The following PRTN3 variants were observed in gnomAD, a reference collection of about 807,000 sequenced individuals.
PRTN3 encodes myeloblastin.
PRTN3 carries 22 observed loss-of-function variants against 20.7 expected under a neutral mutation model. That is an observed-to-expected ratio of 1.06 (90% CI 0.76 to 1.52). The LOEUF is 1.52. PRTN3 is among the 40% of genes most tolerant of loss of function. PRTN3 has a pLI of 0.00. For missense variants in PRTN3, 378 were observed against 359.6 expected (o/e 1.05, Z -0.41); for synonymous variants, 173 against 152.9 (o/e 1.13, Z -0.97).
chr19:843,512 C>G lies in PRTN3; in HGVS notation c.113C>G (p.Ser38Cys). ...GGCGGGCACGAGGCGCAGCCACACT[C>G]CCGGCCCTACATGGCCTCCCTGCAG... ...IVGGHEAQPHSRPYMASLQMR... is the reference protein window; with the variant it reads ...IVGGHEAQPHCRPYMASLQMR... Residue 38 changes from serine (S) to cysteine (C), a missense_variant, in exon 2 of 5, where the codon TCC (serine) becomes TGC (cysteine). Coordinates refer to ENST00000234347, the MANE Select transcript of PRTN3 (RefSeq NM_002777.4). The G allele has an allele frequency of 6.3e-7, 1 of 1,588,776 alleles. No homozygotes were observed. Among genetic ancestry groups the G allele is most frequent in the Non-Finnish European group, 8.5e-7 (1 of 1,170,728 alleles).
At chr19:842,024 G>T (rs1178732852) in intron 1 of PRTN3, among the ~76,000 whole-genome samples, 1 of 149,628 alleles carries the variant, frequency 6.7e-6, no homozygotes, top group Non-Finnish European at 1.5e-5. Flanking sequence ...ACCGCGCCTG[G>T]CCCTTTTTTT....
At chr19:846,026 G>C in intron 3 of PRTN3, 121 bp from the exon 4 acceptor site, 1 of 617,152 alleles carries the variant, frequency 1.6e-6, no homozygotes, top group Non-Finnish European at 2.7e-6. Flanking sequence ...GGGCCCAGGC[G>C]GAGGGAGCGG....
chr19:848,169 A>G lies in PRTN3; in HGVS notation c.*200A>G, dbSNP rs576741877. 3.5e-5 allele frequency: 22 copies of G among 632,864 alleles called. No individual in the cohort carries two copies. Among genetic ancestry groups the G allele is most frequent in the East Asian group, 1.4e-4 (5 of 35,612 alleles). The allele number at this position is 632,864 out of a possible 1,614,324, so 39.2% of individuals were successfully genotyped here. ...CCCACCGTGACCTCAATAAACGTTG[A>G]AACTCCCCCTGGCTCCTGTCTGTCC... On this transcript the variant is annotated 3_prime_UTR_variant, in exon 5 of 5. Coordinates refer to ENST00000234347, the MANE Select transcript of PRTN3 (RefSeq NM_002777.4).
chr19:846,578 G>T (rs1243953616), intron 4 of PRTN3, among the ~76,000 whole-genome samples: 1 of 152,170 alleles, frequency 6.6e-6, no homozygotes, highest in African/African-American at 2.4e-5. Context: ...GCTTGGGTGG[G>T]TCTGGGGGTT....
chr19:845,385 G>A lies in PRTN3; in HGVS notation c.370-762G>A, dbSNP rs185460687. 5.9e-5 allele frequency among the ~76,000 whole-genome samples: 9 copies of A among 152,026 alleles called. 1 individual carries two copies. The highest frequency in any genetic ancestry group is 5.9e-4 in the Admixed American group (9 of 15,242). On this transcript the variant is annotated intron_variant, in intron 3 of 4. Transcript: ENST00000234347. Reference sequence around the variant, plus strand: ...GATCATGCCACCACACTCCAGCCTCGGCGACAGAGCAAGACCCCATCTCAA... The same window carrying A: ...GATCATGCCACCACACTCCAGCCTCAGCGACAGAGCAAGACCCCATCTCAA...
At chr19:841,144 C>A in intron 1 of PRTN3, 75 bp downstream of exon 1, 1 of 1,537,272 alleles carries the variant, frequency 6.5e-7, no homozygotes, top group South Asian at 1.2e-5. Flanking sequence ...CCACGAGGTC[C>A]ATCCAAAGCC....
At chr19:842,650 C>T (rs1380475347) in intron 1 of PRTN3, among the ~76,000 whole-genome samples, 1 of 127,592 alleles carries the variant, frequency 7.8e-6, no homozygotes, top group African/African-American at 3.2e-5. Flanking sequence ...TGCAGTGGGG[C>T]GATCTTGGCT....
rs202027527 is a variant in PRTN3, at chr19:841,068, C to T, written c.60C>T (p.Ser20=). 1.2e-4 allele frequency: 190 copies of T among 1,604,942 alleles called. No individual in the cohort carries two copies. Among genetic ancestry groups the T allele is most frequent in the Non-Finnish European group, 1.4e-4 (170 of 1,179,764 alleles). ...LASVLLALLL[S]GAARAAEIVG... The stretch of plus-strand genomic sequence containing the variant: ...CCGTGCTGCTGGCCTTGCTGCTGAG[C>T]GGTGAGTGAGCCACGTGCCCATCCA... Residue 20 remains serine, a splice_region_variant and synonymous_variant, in exon 1 of 5, where the codon AGC becomes AGT. Transcript: ENST00000234347.
Position 843,755 on chromosome 19 carries a change from G to A in PRTN3, c.227+129G>A, listed in dbSNP as rs2035476606. Reference sequence around the variant, plus strand: ...TCTGCAGACCCCAGGCCCCGCGCGCGTGGGCAGTTCTGGGGGGAGGCCCGG... The same window carrying A: ...TCTGCAGACCCCAGGCCCCGCGCGCATGGGCAGTTCTGGGGGGAGGCCCGG... On this transcript the variant is annotated intron_variant, in intron 2 of 4. Coordinates refer to ENST00000234347, the MANE Select transcript of PRTN3 (RefSeq NM_002777.4). The A allele has an allele frequency of 1.3e-5, 19 of 1,449,292 alleles. No homozygotes were observed. In the Admixed American group the frequency reaches 1.5e-4, roughly 12 times the overall value. 89.8% of individuals were successfully genotyped at this position (1,449,292 alleles called of 1,614,324 possible).
rs1207357063 is a variant in PRTN3, at chr19:846,138, C to G, written c.370-9C>G. ...GCAGCGTCTCACCGCCGCCTGCCTT[C>G]TGCCCCAGCTGAGCAGCCCAGCCAA... is the stretch of plus-strand genomic sequence containing the variant. On this transcript the variant is annotated splice_polypyrimidine_tract_variant and intron_variant, in intron 3 of 4. Transcript: ENST00000234347. 2 of 1,409,000 alleles carry G rather than the reference C, an allele frequency of 1.4e-6. No homozygotes were observed. The highest frequency in any genetic ancestry group is 1.8e-6 in the Non-Finnish European group (2 of 1,081,826). 87.3% of individuals were successfully genotyped at this position (1,409,000 alleles called of 1,614,324 possible).
intron 1 of PRTN3, 103 bp downstream of exon 1, chr19:841,172 G>A (rs543957816): frequency 1.4e-6 from 2 of 1,435,490 alleles, no homozygotes; most frequent in African/African-American, 1.4e-5. Flanking sequence ...CACAGCTGGG[G>A]AAACTGAGGC....
rs775826263 is a variant in PRTN3 at position 843,567 on chromosome 19, C to T, written c.168C>T (p.Cys56=). The T allele has an allele frequency of 1.4e-5, 22 of 1,603,010 alleles. No homozygotes were observed. Among genetic ancestry groups the T allele is most frequent in the Non-Finnish European group, 1.7e-5 (20 of 1,177,620 alleles). Residue 56 remains cysteine, a synonymous_variant, in exon 2 of 5, where the codon TGC becomes TGT. Transcript: ENST00000234347. ...GGGGGAACCCGGGCAGCCACTTCTG[C>T]GGAGGCACCTTGATCCACCCCAGCT... The part of the protein sequence containing the change: ...QMRGNPGSHF[C]GGTLIHPSFV...
At chr19:846,501 A>G (rs1028754681) in intron 4 of PRTN3, 124 bp downstream of exon 4, 6 of 1,028,998 alleles carry the variant, frequency 5.8e-6, no homozygotes, top group Non-Finnish European at 7.0e-6. Flanking sequence ...CCCACCTGGA[A>G]GGTGGGCACA....
In PRTN3 at chr19:848,062, T is replaced by G. The variant is rs1366105346; in HGVS notation, c.*93T>G. 1.4e-6 allele frequency: 2 copies of G among 1,443,130 alleles called. No homozygotes were observed. The highest frequency in any genetic ancestry group is 4.4e-5 in the Admixed American group (2 of 45,188). The allele number at this position is 1,443,130 out of a possible 1,614,324, so 89.4% of individuals were successfully genotyped here. ...ACAGAAGCAGCTCTTCCCCGAACAC[T>G]GTGGCGTCCGGGACGGCCCCACCCG... On this transcript the variant is annotated 3_prime_UTR_variant, in exon 5 of 5. Coordinates refer to ENST00000234347, the MANE Select transcript of PRTN3 (RefSeq NM_002777.4).
chr19:845,495 G>A (rs990440516), intron 3 of PRTN3, among the ~76,000 whole-genome samples: 2 of 151,704 alleles, frequency 1.3e-5, no homozygotes, highest in Non-Finnish European at 1.5e-5. Context: ...CGGGCGGATC[G>A]CCTGAGGTCA....
intron 4 of PRTN3, among the ~76,000 whole-genome samples, chr19:847,549 AAAAGAAAG>A (rs1555707984): frequency 2.0e-4 from 25 of 127,728 alleles, no homozygotes; most frequent in Non-Finnish European, 1.0e-4. Context: ...GAAAGAAAGA[AAAAGAAAG>A]AGAGAGAGAG....
chr19:847,913 T>C lies in PRTN3; in HGVS notation c.715T>C (p.Tyr239His), dbSNP rs1316012345. Residue 239 changes from tyrosine to histidine, a missense_variant, in exon 5 of 5, where the codon TAC (tyrosine) becomes CAC (histidine). Transcript: ENST00000234347. ...TGACTTCTTCACGCGGGTAGCCCTC[T>C]ACGTGGACTGGATCCGTTCCACGCT... ...FPDFFTRVAL[Y>H]VDWIRSTLRR... 4 of 1,608,208 alleles carry C rather than the reference T, an allele frequency of 2.5e-6. No individual in the cohort carries two copies. The African/African-American group carries it at 5.3e-5, about 21-fold the overall frequency.
rs1458055422 is a variant in PRTN3, at chr19:848,010, C to G, written c.*41C>G. ...GCGCTGGCCGGGACCCCGAGCCTGG[C>G]TCCAAACCCTCGAGGCGGATCTTTG... is the stretch of plus-strand genomic sequence containing the variant. On this transcript the variant is annotated 3_prime_UTR_variant, in exon 5 of 5. Transcript: ENST00000234347. 6.4e-7 allele frequency: 1 copy of G among 1,558,566 alleles called. No individual in the cohort carries two copies.
Position 842,399 on chromosome 19 carries a change from C to CCT in PRTN3, c.62-1061_62-1060insTC, listed in dbSNP as rs2035456923. ...AGATGGGGTCTCACTCAGGCATGAG[C>CCT]CACTGCGCCCAGGATTTTTTTTTTT... is the stretch of plus-strand genomic sequence containing the variant. On this transcript the variant is annotated intron_variant, in intron 1 of 4. Transcript: ENST00000234347. 1.5e-5 allele frequency among the ~76,000 whole-genome samples: 2 copies of CCT among 137,514 alleles called. 1 individual carries two copies. Among genetic ancestry groups the CCT allele is most frequent in the Admixed American group, 1.5e-4 (2 of 13,178 alleles). 90.2% of individuals were successfully genotyped at this position (137,514 alleles called of 152,430 possible).
Sources: gnomAD v4.1 joint callset for allele counts (sites outside exome capture counted in the v4.1 genomes callset) on GRCh38, gnomAD v4.1.1 for gene constraint, MANE v1.5 for transcripts, NCBI Gene and HGNC (gene_info 2026-07-23, HGNC 2026-07-21) for gene names.